Variants in ABCC4 observed in about 807,000 individuals in gnomAD.
ABCC4 encodes ATP-binding cassette sub-family C member 4.
In ABCC4, 102 loss-of-function variants were observed where a neutral mutation model predicts 168.5. The observed-to-expected ratio is 0.61, with a 90% CI of 0.52 to 0.71. The LOEUF is 0.71. Among genes scored for constraint, ABCC4 ranks in the 30% least tolerant of loss-of-function variants. The pLI is 0.00. For missense variants in ABCC4, 1,402 were observed against 1,605.8 expected, an observed-to-expected ratio of 0.87 and a Z score of 2.17; for synonymous variants, 617 against 590.7, an observed-to-expected ratio of 1.04 and a Z score of -0.65.
intron 4 of ABCC4, among the ~76,000 whole-genome samples, chr13:95,223,711 A>T (rs2039371693): frequency 6.6e-6 from 1 of 152,198 alleles, no homozygotes; most frequent in African/African-American, 2.4e-5. Context: ...CATGTTGGCC[A>T]GGCTAGTCTC....
rs545401535 is a variant in ABCC4 at position 95,195,516 on chromosome 13, T to C, written c.1162-579A>G. 4.6e-5 allele frequency among the ~76,000 whole-genome samples: 7 copies of C among 152,344 alleles called. No homozygotes were observed. In the East Asian group the frequency reaches 1.4e-3, roughly 29 times the overall value. On this transcript the variant is annotated intron_variant, in intron 8 of 30. Transcript: ENST00000645237. ...CTTCTCCTCCCTCGTGCACGTCAAA[T>C]TGACATACAACTTAATTCACTATCA... is the stretch of plus-strand genomic sequence containing the variant.
intron 20 of ABCC4, among the ~76,000 whole-genome samples, chr13:95,111,720 T>C (rs181708265): frequency 1.3e-3 from 199 of 152,368 alleles, no homozygotes; most frequent in Non-Finnish European, 2.2e-3. Context: ...AAATATTTTA[T>C]TGAAGTCCAA....
intron 15 of ABCC4, among the ~76,000 whole-genome samples, chr13:95,165,473 G>A (rs189096324): frequency 1.7e-3 from 253 of 152,268 alleles, no homozygotes; most frequent in Non-Finnish European, 2.6e-3. Context: ...AGTGAGCTCT[G>A]GTACATTTCT....
At chr13:95,132,342 A>G (rs1265388560) in intron 19 of ABCC4, among the ~76,000 whole-genome samples, 2 of 151,948 alleles carry the variant, frequency 1.3e-5, no homozygotes, top group Non-Finnish European at 2.9e-5. Context: ...CAGCCTCTCG[A>G]GTAGCTGGAA....
At chr13:95,107,187 G>A (rs994014458) in intron 20 of ABCC4, among the ~76,000 whole-genome samples, 3 of 152,094 alleles carry the variant, frequency 2.0e-5, no homozygotes, top group African/African-American at 7.2e-5. Context: ...GAACAGGGAG[G>A]CAGAAGCTAC....
chr13:95,193,461 C>T (rs2038322140), intron 9 of ABCC4, among the ~76,000 whole-genome samples: 2 of 152,214 alleles, frequency 1.3e-5, no homozygotes. Flanking sequence ...CGGGGTGCAG[C>T]TTCCTGCCGT....
At chr13:95,060,036 G>C (rs1418674323) in intron 26 of ABCC4, among the ~76,000 whole-genome samples, 1 of 152,202 alleles carries the variant, frequency 6.6e-6, no homozygotes, top group Non-Finnish European at 1.5e-5. Context: ...TGCTCTGAAA[G>C]ATTCTATCCC....
At chr13:95,138,901 T>A (rs953856582) in intron 19 of ABCC4, among the ~76,000 whole-genome samples, 1 of 152,174 alleles carries the variant, frequency 6.6e-6, no homozygotes, top group Admixed American at 6.5e-5. Context: ...GCTGGGCAGC[T>A]CCTTTCCCTT....
intron 30 of ABCC4, among the ~76,000 whole-genome samples, chr13:95,027,669 A>G (rs1006772042): frequency 6.6e-6 from 1 of 152,208 alleles, no homozygotes; most frequent in Admixed American, 6.5e-5. Flanking sequence ...AAGTGTATTT[A>G]TATTGTTATT....
At chr13:95,091,923 T>C (rs1015750964) in intron 20 of ABCC4, among the ~76,000 whole-genome samples, 2 of 152,170 alleles carry the variant, frequency 1.3e-5, no homozygotes, top group Non-Finnish European at 2.9e-5. Context: ...TTCTGGAGAC[T>C]CACCTAACAC....
chr13:95,057,250 T>A (rs2033097474), intron 26 of ABCC4, among the ~76,000 whole-genome samples: 1 of 152,188 alleles, frequency 6.6e-6, no homozygotes, highest in Non-Finnish European at 1.5e-5. Context: ...TTCAGTATTT[T>A]TTTTTTTTGA....
At chr13:95,042,693 G>C (rs769613330) in intron 29 of ABCC4, among the ~76,000 whole-genome samples, 80 of 152,206 alleles carry the variant, frequency 5.3e-4, no homozygotes, top group Non-Finnish European at 1.3e-4. Context: ...GAAGATGCTT[G>C]TGAACTAGAC....
Position 95,071,825 on chromosome 13 carries a change from T to C in ABCC4, c.3047A>G (p.Tyr1016Cys). 1.9e-6 allele frequency: 3 copies of C among 1,591,954 alleles called. No homozygotes were observed. Among genetic ancestry groups the C allele is most frequent in the Non-Finnish European group, 2.6e-6 (3 of 1,171,374 alleles). ...MMISVERVIE[Y>C]TDLEKEAPWE... is the part of the protein sequence containing the mutation. Reference sequence around the variant, plus strand: ...AGGTGCTTCTTTTTCAAGGTCTGTGTATTCAATGACCCTTTCTACTGAGAT... The same window carrying C: ...AGGTGCTTCTTTTTCAAGGTCTGTGCATTCAATGACCCTTTCTACTGAGAT... The change falls in exon 25 of 31, where the codon TAC (tyrosine) becomes TGC (cysteine). Residue 1016 changes from tyrosine (Y) to cysteine (C), a missense_variant. Transcript: ENST00000645237.
chr13:95,098,427 T>A (rs2034684880), intron 20 of ABCC4, among the ~76,000 whole-genome samples: 1 of 151,344 alleles, frequency 6.6e-6, no homozygotes, highest in Non-Finnish European at 1.5e-5. Flanking sequence ...GGAAAAAAAA[T>A]CAAAATTGAT....
intron 19 of ABCC4, among the ~76,000 whole-genome samples, chr13:95,136,585 G>A (rs1344966036): frequency 2.0e-5 from 3 of 152,280 alleles, no homozygotes; most frequent in South Asian, 4.1e-4. Context: ...TTAAAGTTAC[G>A]GATGAATTCC....
chr13:95,083,411 T>C (rs1362463360), intron 20 of ABCC4, 121 bp from the exon 21 acceptor site: 25 of 1,167,424 alleles, frequency 2.1e-5, no homozygotes, highest in Non-Finnish European at 2.9e-5. Context: ...TACCAGGGAC[T>C]GCTTTTCCAT....
At chr13:95,271,939 C>CA (rs2040858520) in intron 1 of ABCC4, among the ~76,000 whole-genome samples, 2 of 152,088 alleles carry the variant, frequency 1.3e-5, no homozygotes, top group Non-Finnish European at 1.5e-5. Context: ...TTTGAACTCA[C>CA]AAAAAATCTA....
chr13:95,109,419 C>CACACACAG (rs766041050), intron 20 of ABCC4, among the ~76,000 whole-genome samples: 4 of 151,290 alleles, frequency 2.6e-5, no homozygotes, highest in African/African-American at 4.9e-5. Flanking sequence ...CACACACACA[C>CACACACAG]AGGTGCCAAC....
At chr13:95,033,119 G>A (rs564419938) in intron 30 of ABCC4, among the ~76,000 whole-genome samples, 1 of 151,816 alleles carries the variant, frequency 6.6e-6, no homozygotes, top group Admixed American at 6.6e-5. Context: ...ACAGGCAATC[G>A]CCACTTCACC....
Sources: allele counts gnomAD v4.1 joint callset (sites outside exome capture counted in the v4.1 genomes callset), GRCh38; gene constraint gnomAD v4.1.1; transcripts MANE v1.5; gene names NCBI Gene and HGNC (gene_info 2026-07-23, HGNC 2026-07-21).